Variants in PTCSC3 observed in about 807,000 individuals in gnomAD.
PTCSC3 encodes papillary thyroid carcinoma susceptibility candidate 3 (non-protein coding).
chr14:36,160,901 T>C lies in PTCSC3; in HGVS notation n.231+1723A>G, dbSNP rs545327941. Among the ~76,000 whole-genome samples the C allele has an allele frequency of 4.6e-5, 7 of 152,332 alleles. No homozygotes were observed. The East Asian group carries it at 1.4e-3, about 29-fold the overall frequency. On this transcript the variant is annotated intron_variant and non_coding_transcript_variant, in intron 2 of 3. Coordinates refer to ENST00000556013, the Ensembl canonical transcript of PTCSC3. ...TGGTCTTTTCATATAGTCCCATATT[T>C]CTTGGAGGCTTTGTTCATTCCTTTT...
At chr14:36,170,309 A>G (rs1325538214) in intron 1 of PTCSC3, among the ~76,000 whole-genome samples, 1 of 152,064 alleles carries the variant, frequency 6.6e-6, no homozygotes, top group Non-Finnish European at 1.5e-5. Context: ...CTCAGTAGCA[A>G]TAAGGAAAGA....
At chr14:36,158,597 T>C (rs762275098) in intron 2 of PTCSC3, among the ~76,000 whole-genome samples, 34 of 152,334 alleles carry the variant, frequency 2.2e-4, no homozygotes, top group Admixed American at 3.3e-4. Flanking sequence ...ATCCCAGGGA[T>C]GAAGCCAGCT....
chr14:36,162,020 C>T (rs191660183), intron 2 of PTCSC3, among the ~76,000 whole-genome samples: 9 of 152,202 alleles, frequency 5.9e-5, no homozygotes, highest in Admixed American at 4.6e-4. Context: ...AGGGTAAAAC[C>T]GCCTACTCAC....
intron 1 of PTCSC3, among the ~76,000 whole-genome samples, chr14:36,170,742 G>A (rs1882177685): frequency 1.3e-5 from 2 of 152,098 alleles, no homozygotes; most frequent in South Asian, 4.1e-4. Flanking sequence ...GGTTGCCAAT[G>A]TCTAGTGTGG....
chr14:36,161,398 G>C (rs1881953111), intron 2 of PTCSC3, among the ~76,000 whole-genome samples: 1 of 152,114 alleles, frequency 6.6e-6, no homozygotes, highest in African/African-American at 2.4e-5. Flanking sequence ...CTTTTGGATG[G>C]GGTTTTCTGT....
At chr14:36,151,729 C>G (rs1425354285) in intron 3 of PTCSC3, among the ~76,000 whole-genome samples, 1 of 152,226 alleles carries the variant, frequency 6.6e-6, no homozygotes, top group East Asian at 1.9e-4. Flanking sequence ...AATTGACCTT[C>G]CATCAGGTCA....
At chr14:36,171,573 C>T (rs931142953) in intron 1 of PTCSC3, among the ~76,000 whole-genome samples, 4 of 152,150 alleles carry the variant, frequency 2.6e-5, no homozygotes, top group African/African-American at 9.7e-5. Context: ...GGGCATTTCT[C>T]AAATACCTAT....
chr14:36,151,942 G>A (rs1229487095), intron 3 of PTCSC3, among the ~76,000 whole-genome samples: 1 of 152,162 alleles, frequency 6.6e-6, no homozygotes, highest in African/African-American at 2.4e-5. Flanking sequence ...CTTTTGGAGG[G>A]AAAACTCATG....
chr14:36,163,024 A>T (rs1882002039), intron 1 of PTCSC3, among the ~76,000 whole-genome samples: 1 of 152,174 alleles, frequency 6.6e-6, no homozygotes, highest in African/African-American at 2.4e-5. Context: ...TTAAGAACTG[A>T]AAAATAAAGC....
intron 3 of PTCSC3, among the ~76,000 whole-genome samples, chr14:36,138,329 T>C (rs1285527791): frequency 6.6e-6 from 1 of 152,198 alleles, no homozygotes; most frequent in Non-Finnish European, 1.5e-5. Flanking sequence ...GAACACAAAG[T>C]TGTAAAAGAA....
At chr14:36,147,246 C>G (rs1881597152) in intron 3 of PTCSC3, among the ~76,000 whole-genome samples, 1 of 152,164 alleles carries the variant, frequency 6.6e-6, no homozygotes, top group South Asian at 2.1e-4. Context: ...TGGATAATAT[C>G]CTGCAGCATG....
chr14:36,158,394 C>A (rs1037004063), intron 2 of PTCSC3, among the ~76,000 whole-genome samples: 2 of 152,100 alleles, frequency 1.3e-5, no homozygotes, highest in African/African-American at 4.8e-5. Context: ...GTGGGTTTGT[C>A]ACAAATAGCT....
chr14:36,138,249 A>G (rs1431650033), intron 3 of PTCSC3, among the ~76,000 whole-genome samples: 1 of 152,210 alleles, frequency 6.6e-6, no homozygotes, highest in Non-Finnish European at 1.5e-5. Flanking sequence ...TAAGCATCAG[A>G]TCTGAAATGA....
intron 1 of PTCSC3, among the ~76,000 whole-genome samples, chr14:36,174,169 A>G (rs913017916): frequency 6.6e-6 from 1 of 151,930 alleles, no homozygotes; most frequent in Non-Finnish European, 1.5e-5. Flanking sequence ...ATTTCTTCCA[A>G]TTATTTTTGC....
At chr14:36,151,101 T>A (rs985800766) in intron 3 of PTCSC3, among the ~76,000 whole-genome samples, 2 of 152,206 alleles carry the variant, frequency 1.3e-5, no homozygotes, top group African/African-American at 4.8e-5. Flanking sequence ...TTTGTTTGTA[T>A]GAAAAAGCCT....
At chr14:36,176,228 A>G (rs1882278330) in intron 1 of PTCSC3, 1 of 152,144 alleles carries the variant, frequency 6.6e-6, no homozygotes, top group Admixed American at 6.5e-5. Flanking sequence ...AGTGAGAGCT[A>G]AGGAGGCTAC....
chr14:36,147,790 G>C (rs1410553555), intron 3 of PTCSC3, among the ~76,000 whole-genome samples: 1 of 151,828 alleles, frequency 6.6e-6, no homozygotes, highest in Non-Finnish European at 1.5e-5. Context: ...CATCTTTGTG[G>C]TTTTATCTAC....
At chr14:36,151,501 A>G (rs959265829) in intron 3 of PTCSC3, among the ~76,000 whole-genome samples, 1 of 152,028 alleles carries the variant, frequency 6.6e-6, no homozygotes, top group African/African-American at 2.4e-5. Flanking sequence ...TAGTATTCCC[A>G]TTATATGTAT....
intron 2 of PTCSC3, among the ~76,000 whole-genome samples, chr14:36,154,422 T>C (rs1475878893): frequency 6.6e-6 from 1 of 152,198 alleles, no homozygotes; most frequent in East Asian, 1.9e-4. Flanking sequence ...GATACCAAAA[T>C]GTTAATGGTG....
Sources: gnomAD v4.1 joint callset for allele counts (sites outside exome capture counted in the v4.1 genomes callset) on GRCh38, gnomAD v4.1.1 for gene constraint, MANE v1.5 for transcripts, NCBI Gene and HGNC (gene_info 2026-07-23, HGNC 2026-07-21) for gene names.